Variants in RBFOX1 observed in about 807,000 individuals in gnomAD.
RBFOX1 encodes RNA binding fox-1 homolog 1.
RBFOX1 carries 8 observed loss-of-function variants against 57.7 expected under a neutral mutation model. The ratio of observed to expected loss-of-function variants is 0.14; its 90% CI spans 0.08 to 0.25. The LOEUF (loss-of-function observed/expected upper bound fraction) is 0.25. RBFOX1 is among the 10% of genes least tolerant of loss of function. RBFOX1 has a pLI of 1.00. For synonymous variants in RBFOX1, 326 were observed against 222.4 expected (o/e 1.47, Z -4.15); for missense variants, 611 against 548.5 (o/e 1.11, Z -1.14).
chr16:5,413,269 G>A (rs548392941), intron 1 of RBFOX1, among the ~76,000 whole-genome samples: 86 of 152,156 alleles, frequency 5.7e-4, no homozygotes, highest in African/African-American at 1.8e-3. Flanking sequence ...TATTAACAAG[G>A]CATCCACAGC....
At chr16:7,179,458 T>G (rs948991759) in intron 4 of RBFOX1, among the ~76,000 whole-genome samples, 4 of 152,212 alleles carry the variant, frequency 2.6e-5, no homozygotes, top group Admixed American at 1.3e-4. Flanking sequence ...CCTCTTGAAC[T>G]GATTTACGGT....
intron 1 of RBFOX1, among the ~76,000 whole-genome samples, chr16:6,251,818 TC>T (rs1278066210): frequency 4.6e-5 from 7 of 152,054 alleles, no homozygotes; most frequent in African/African-American, 1.7e-4. Context: ...GCCCTGCCTC[TC>T]CTTGCCAGAG....
At chr16:5,991,146 G>T (rs1278821729) in intron 4 of RBFOX1, among the ~76,000 whole-genome samples, 2 of 152,200 alleles carry the variant, frequency 1.3e-5, no homozygotes, top group East Asian at 1.9e-4. Context: ...CATTTGGGGG[G>T]TGACTGTAGG....
At chr16:6,828,586 A>G (rs893702468) in intron 3 of RBFOX1, among the ~76,000 whole-genome samples, 5 of 151,846 alleles carry the variant, frequency 3.3e-5, no homozygotes, top group Non-Finnish European at 7.4e-5. Context: ...TCAGATCCTG[A>G]AAAACCGGGC....
At chr16:7,019,908 C>T (rs1278854876) in intron 3 of RBFOX1, among the ~76,000 whole-genome samples, 1 of 152,128 alleles carries the variant, frequency 6.6e-6, no homozygotes, top group African/African-American at 2.4e-5. Context: ...ACCCTGCTCT[C>T]TTTTACCTCC....
At chr16:7,554,443 GTAAAGAGCTGAACA>G (rs1357750764) in intron 5 of RBFOX1, among the ~76,000 whole-genome samples, 1 of 152,184 alleles carries the variant, frequency 6.6e-6, no homozygotes, top group African/African-American at 2.4e-5. Flanking sequence ...ACTGCATGTG[GTAAAGAGCTGAACA>G]GAGAAAACCA....
intron 3 of RBFOX1, among the ~76,000 whole-genome samples, chr16:6,716,196 ATGT>A (rs2064786441): frequency 6.6e-6 from 1 of 152,194 alleles, no homozygotes; most frequent in Admixed American, 6.5e-5. Flanking sequence ...CTTTCTAATA[ATGT>A]TGTTTACAAA....
intron 3 of RBFOX1, among the ~76,000 whole-genome samples, chr16:6,739,960 CAAAAG>C (rs1212144042): frequency 1.3e-5 from 2 of 151,988 alleles, no homozygotes; most frequent in Admixed American, 6.6e-5. Flanking sequence ...AAGAAAGTAA[CAAAAG>C]AAACAAGAAA....
At chr16:6,415,757 T>A (rs997681733) in intron 2 of RBFOX1, among the ~76,000 whole-genome samples, 1 of 152,074 alleles carries the variant, frequency 6.6e-6, no homozygotes, top group Non-Finnish European at 1.5e-5. Flanking sequence ...AGAGCTCCAA[T>A]ATGTAACCCC....
intron 4 of RBFOX1, among the ~76,000 whole-genome samples, chr16:5,958,508 T>G (rs529496806): frequency 6.6e-6 from 1 of 152,326 alleles, no homozygotes; most frequent in South Asian, 2.1e-4. Flanking sequence ...ATTAAATTGC[T>G]TAGCCTCAGT....
chr16:7,159,097 T>C (rs1341288070), intron 4 of RBFOX1, among the ~76,000 whole-genome samples: 1 of 152,110 alleles, frequency 6.6e-6, no homozygotes, highest in African/African-American at 2.4e-5. Context: ...AAGAATATTA[T>C]ATAAATGGTA....
chr16:5,714,211 G>A (rs1169208293), intron 3 of RBFOX1, among the ~76,000 whole-genome samples: 2 of 152,178 alleles, frequency 1.3e-5, no homozygotes, highest in African/African-American at 2.4e-5. Context: ...ATGAGGGCTT[G>A]TTGTGCTCTC....
chr16:6,696,201 A>G (rs1041584375), intron 3 of RBFOX1, among the ~76,000 whole-genome samples: 1 of 152,196 alleles, frequency 6.6e-6, no homozygotes, highest in Non-Finnish European at 1.5e-5. Context: ...AGTTGATATA[A>G]TAAATATGCT....
chr16:5,461,596 C>T (rs1597159629), intron 1 of RBFOX1, among the ~76,000 whole-genome samples: 1 of 152,296 alleles, frequency 6.6e-6, no homozygotes, highest in African/African-American at 2.4e-5. Flanking sequence ...TGCCTTAATC[C>T]TTGCCTGTCC....
chr16:5,741,499 G>C (rs1348870416), intron 3 of RBFOX1, among the ~76,000 whole-genome samples: 3 of 152,214 alleles, frequency 2.0e-5, no homozygotes, highest in Non-Finnish European at 4.4e-5. Context: ...AATGTTCTCA[G>C]AGCCACAGTA....
At chr16:6,716,866 C>T (rs1005989482) in intron 3 of RBFOX1, among the ~76,000 whole-genome samples, 1 of 152,040 alleles carries the variant, frequency 6.6e-6, no homozygotes, top group Admixed American at 6.6e-5. Context: ...ATGTTTGTAT[C>T]CTTCCAAAAT....
chr16:7,210,123 A>G (rs2090830526), intron 4 of RBFOX1, among the ~76,000 whole-genome samples: 1 of 152,198 alleles, frequency 6.6e-6, no homozygotes, highest in African/African-American at 2.4e-5. Context: ...CCTGCCCTGC[A>G]ATTGTGTGTA....
At chr16:5,607,737 C>T (rs921053226) in intron 3 of RBFOX1, among the ~76,000 whole-genome samples, 1 of 152,202 alleles carries the variant, frequency 6.6e-6, no homozygotes, top group Non-Finnish European at 1.5e-5. Flanking sequence ...AGGTCACTGC[C>T]TTTCCAATTC....
chr16:6,032,097 C>G (rs2095298967), intron 1 of RBFOX1, among the ~76,000 whole-genome samples: 2 of 152,082 alleles, frequency 1.3e-5, no homozygotes, highest in African/African-American at 2.4e-5. Flanking sequence ...GACCCTTAGC[C>G]TCTTTCTTAA....
Sources: allele counts gnomAD v4.1 joint callset (sites outside exome capture counted in the v4.1 genomes callset), GRCh38; gene constraint gnomAD v4.1.1; transcripts MANE v1.5; gene names NCBI Gene and HGNC (gene_info 2026-07-23, HGNC 2026-07-21).